The following MAGI1 variants were observed in gnomAD, a reference collection of about 807,000 sequenced individuals.
The protein encoded by MAGI1 is membrane associated guanylate kinase, WW and PDZ domain containing 1.
Under a neutral mutation model 139.9 loss-of-function variants are expected in MAGI1, and 58 were observed. That is an observed-to-expected ratio of 0.41 (90% CI 0.34 to 0.52). The LOEUF is 0.52. MAGI1 is among the 20% of genes least tolerant of loss of function. MAGI1 has a pLI of 0.12. For synonymous variants in MAGI1, 812 were observed against 737.9 expected, an observed-to-expected ratio of 1.10 and a Z score of -1.63; for missense variants, 1,874 against 1,901.6, an observed-to-expected ratio of 0.99 and a Z score of 0.27.
intron 1 of MAGI1, among the ~76,000 whole-genome samples, chr3:65,728,775 A>T (rs73131774): frequency 0.16 from 23,805 of 152,038 alleles, 2,068 homozygotes; most frequent in African/African-American, 0.17. Flanking sequence ...ACTTTTTTTA[A>T]AAAATCTTAA....
chr3:65,613,142 A>G lies in MAGI1; in HGVS notation c.430+8830T>C, dbSNP rs2083203969. On this transcript the variant is annotated intron_variant, in intron 2 of 22. Transcript: ENST00000402939. ...GTGGTTAGAACTAGGTTTGAATCTG[A>G]GTTCCATCATTATTTAACTGTGCCT... Among the ~76,000 whole-genome samples the G allele has an allele frequency of 2.0e-5, 3 of 152,118 alleles. No homozygotes were observed. In the South Asian group the frequency reaches 6.2e-4, roughly 31 times the overall value.
At chr3:65,815,461 C>T (rs892348544) in intron 1 of MAGI1, among the ~76,000 whole-genome samples, 3 of 152,154 alleles carry the variant, frequency 2.0e-5, no homozygotes, top group Non-Finnish European at 4.4e-5. Context: ...AAAATACCTA[C>T]CCCTCCCCCA....
chr3:65,827,010 C>CTAT (rs10678962), intron 1 of MAGI1, among the ~76,000 whole-genome samples: 101,272 of 151,716 alleles, frequency 0.67, 34,234 homozygotes, highest in East Asian at 0.95. Flanking sequence ...TCTGCTGCTC[C>CTAT]AACAATGTTT....
intron 1 of MAGI1, among the ~76,000 whole-genome samples, chr3:65,711,480 A>T (rs1250577026): frequency 2.6e-5 from 4 of 152,198 alleles, no homozygotes; most frequent in Non-Finnish European, 5.9e-5. Context: ...CAGACAAAAA[A>T]AACACAAAAA....
At position 65,680,187 on chromosome 3, in the gene MAGI1, T is replaced by A. The variant is rs186189912; in HGVS notation, c.314-58099A>T. ...GACATTAGGTAGTATGGGTCTAGCA[T>A]CTCCCTTGGATTCCAGTGCCCTACC... is the stretch of plus-strand genomic sequence containing the variant. On this transcript the variant is annotated intron_variant, in intron 1 of 22. Transcript: ENST00000402939. Among the ~76,000 whole-genome samples the A allele has an allele frequency of 2.8e-4, 42 of 152,260 alleles. No homozygotes were observed. In the East Asian group the frequency reaches 5.8e-3, roughly 21 times the overall value.
intron 2 of MAGI1, among the ~76,000 whole-genome samples, chr3:65,567,288 T>C (rs995349804): frequency 1.3e-5 from 2 of 152,046 alleles, no homozygotes; most frequent in Non-Finnish European, 2.9e-5. Flanking sequence ...AAGTCTACAT[T>C]TGAGGCCATT....
chr3:65,905,228 G>C (rs576758240), intron 1 of MAGI1, among the ~76,000 whole-genome samples: 58 of 152,222 alleles, frequency 3.8e-4, no homozygotes, highest in South Asian at 8.3e-4. Context: ...TTGTGAGAAA[G>C]GACCAGCTGT....
At chr3:65,559,946 G>A (rs562271468) in intron 2 of MAGI1, among the ~76,000 whole-genome samples, 3 of 152,260 alleles carry the variant, frequency 2.0e-5, no homozygotes, top group Non-Finnish European at 4.4e-5. Flanking sequence ...TGAGGTGGGA[G>A]GATCATCTGA....
At chr3:65,868,804 C>T (rs1486702776) in intron 1 of MAGI1, among the ~76,000 whole-genome samples, 1 of 152,152 alleles carries the variant, frequency 6.6e-6, no homozygotes, top group Non-Finnish European at 1.5e-5. Context: ...CTAAGACAAA[C>T]TAGCTTTTTT....
chr3:65,859,107 C>T (rs1363994055), intron 1 of MAGI1, among the ~76,000 whole-genome samples: 1 of 151,952 alleles, frequency 6.6e-6, no homozygotes, highest in Non-Finnish European at 1.5e-5. Context: ...CTGAGGTGTG[C>T]AGATCACTTG....
intron 1 of MAGI1, among the ~76,000 whole-genome samples, chr3:65,811,713 G>T (rs2041246302): frequency 6.6e-6 from 1 of 151,292 alleles, no homozygotes; most frequent in African/African-American, 2.4e-5. Flanking sequence ...AACAAGAAAA[G>T]CAGAGCCAAG....
At chr3:65,861,332 AC>A (rs1489018702) in intron 1 of MAGI1, among the ~76,000 whole-genome samples, 1 of 151,966 alleles carries the variant, frequency 6.6e-6, no homozygotes, top group Non-Finnish European at 1.5e-5. Context: ...TCCAGTCACC[AC>A]CCCACCCAAA....
At chr3:65,883,819 C>T (rs2060428707) in intron 1 of MAGI1, among the ~76,000 whole-genome samples, 1 of 152,158 alleles carries the variant, frequency 6.6e-6, no homozygotes, top group African/African-American at 2.4e-5. Flanking sequence ...GTTTTGTGTA[C>T]ACATGAATTG....
At chr3:65,504,066 G>C (rs574833983) in intron 2 of MAGI1, among the ~76,000 whole-genome samples, 1 of 152,122 alleles carries the variant, frequency 6.6e-6, no homozygotes, top group Non-Finnish European at 1.5e-5. Flanking sequence ...CAAGCAAATG[G>C]TTCCCAGTAA....
chr3:65,359,165 G>A, intron 22 of MAGI1: 2 of 1,612,374 alleles, frequency 1.2e-6, no homozygotes, highest in Non-Finnish European at 1.7e-6. Context: ...GTGGAAGGGA[G>A]GGCCCAGCAC....
intron 1 of MAGI1, among the ~76,000 whole-genome samples, chr3:65,772,877 G>C (rs1275558924): frequency 6.6e-6 from 1 of 152,182 alleles, no homozygotes; most frequent in African/African-American, 2.4e-5. Flanking sequence ...TTAACAGCAT[G>C]TGAATTTAAG....
intron 1 of MAGI1, among the ~76,000 whole-genome samples, chr3:65,660,439 A>T (rs963406939): frequency 6.6e-6 from 1 of 152,258 alleles, no homozygotes; most frequent in African/African-American, 2.4e-5. Flanking sequence ...CACAGACAAT[A>T]CATCCTAGGA....
intron 1 of MAGI1, among the ~76,000 whole-genome samples, chr3:65,644,268 T>TA (rs1251323192): frequency 1.3e-5 from 2 of 151,572 alleles, no homozygotes; most frequent in African/African-American, 4.8e-5. Flanking sequence ...ATATGAAGAA[T>TA]AAAAAAAACT....
intron 2 of MAGI1, among the ~76,000 whole-genome samples, chr3:65,517,528 T>C (rs2077963573): frequency 1.3e-5 from 2 of 152,200 alleles, no homozygotes; most frequent in South Asian, 4.1e-4. Flanking sequence ...TATTCTGCAA[T>C]AGGGGAAAAC....
Sources: allele counts gnomAD v4.1 joint callset (sites outside exome capture counted in the v4.1 genomes callset), GRCh38; gene constraint gnomAD v4.1.1; transcripts MANE v1.5; gene names NCBI Gene and HGNC (gene_info 2026-07-23, HGNC 2026-07-21).